Variants in MAN1B1 observed in about 807,000 individuals in gnomAD.
The protein encoded by MAN1B1 is mannosidase alpha class 1B member 1, also known as endoplasmic reticulum mannosyl-oligosaccharide 1,2-alpha-mannosidase.
Under a neutral mutation model 75.5 loss-of-function variants are expected in MAN1B1, and 66 were observed. The observed-to-expected ratio is 0.87, with a 90% CI of 0.72 to 1.07. The LOEUF (loss-of-function observed/expected upper bound fraction) is 1.07, where lower values mean the gene tolerates loss of function less well. Ranked by LOEUF, MAN1B1 falls within the 50% of genes least tolerant of loss-of-function variation. The pLI is 0.00. For missense variants in MAN1B1, 973 were observed against 912.5 expected, an observed-to-expected ratio of 1.07 and a Z score of -0.85; for synonymous variants, 453 against 382.8, an observed-to-expected ratio of 1.18 and a Z score of -2.14.
chr9:137,102,507 TACAC>T lies in MAN1B1; in HGVS notation c.1254+839_1254+842del, dbSNP rs558794501. ...CTGTTGCAGGCGTGCAGGTCAGTGT[TACAC>T]ACATTCACGCTGTTGCAGGCGTGCA... On this transcript the variant is annotated intron_variant, in intron 8 of 12. Transcript: ENST00000371589. 400 of 414,316 alleles carry T rather than the reference TACAC, an allele frequency of 9.7e-4. 2 individuals carry two copies. Among genetic ancestry groups the T allele is most frequent in the African/African-American group, 7.1e-3 (298 of 41,778 alleles). 25.7% of individuals were successfully genotyped at this position (414,316 alleles called of 1,614,324 possible).
At chr9:137,099,507 C>T (rs1830746517) in intron 5 of MAN1B1, among the ~76,000 whole-genome samples, 189 bp from the exon 6 acceptor site, 1 of 152,266 alleles carries the variant, frequency 6.6e-6, no homozygotes, top group African/African-American at 2.4e-5. Flanking sequence ...AGGCTGTGTT[C>T]TCCCTGGGGG....
chr9:137,100,950 G>A, intron 6 of MAN1B1, 55 bp from the exon 7 acceptor site: 1 of 1,604,724 alleles, frequency 6.2e-7, no homozygotes, highest in Non-Finnish European at 8.5e-7. Context: ...TAGATAATAG[G>A]AAAACGTTGG....
rs761276531 is a variant in MAN1B1, at chr9:137,099,677, GCT to G, written c.731-13_731-12del. 98 of 1,613,706 alleles carry G rather than the reference GCT, an allele frequency of 6.1e-5. 1 individual carries two copies. Among genetic ancestry groups the G allele is most frequent in the Non-Finnish European group, 6.3e-5 (74 of 1,179,886 alleles). ...CAGGACCACGTCCGCCATGGCCTGT[GCT>G]CTCTCCCCCCTACTAGTGCATCTGA... On this transcript the variant is annotated splice_polypyrimidine_tract_variant and intron_variant, in intron 5 of 12. Transcript: ENST00000371589.
intron 6 of MAN1B1, among the ~76,000 whole-genome samples, chr9:137,100,720 A>G (rs955415318): frequency 6.6e-6 from 1 of 152,068 alleles, no homozygotes; most frequent in African/African-American, 2.4e-5. Context: ...CCCGGGTTCA[A>G]GCTATTCTCA....
At chr9:137,106,560 G>A in intron 9 of MAN1B1, 129 bp from the exon 10 acceptor site, 13 of 1,456,036 alleles carry the variant, frequency 8.9e-6, no homozygotes, top group Non-Finnish European at 1.1e-5. Flanking sequence ...GCTGTGCAGG[G>A]TGGCACCTTC....
intron 5 of MAN1B1, among the ~76,000 whole-genome samples, chr9:137,098,336 G>T (rs1672242845): frequency 6.6e-6 from 1 of 152,346 alleles, no homozygotes; most frequent in South Asian, 2.1e-4. Flanking sequence ...CTCAGTGCAT[G>T]ACCTGAGGCC....
Position 137,105,171 on chromosome 9 carries a change from G to A in MAN1B1, c.1255-954G>A, listed in dbSNP as rs536240565. ...GGCCTCTTTTTACTTTGTTAATGGT[G>A]TATTTTGATAGATAACAGATTGTCA... On this transcript the variant is annotated intron_variant, in intron 8 of 12. Coordinates refer to ENST00000371589, the MANE Select transcript of MAN1B1 (RefSeq NM_016219.5). 5 of 152,566 alleles carry A rather than the reference G, an allele frequency of 3.3e-5. No homozygotes were observed. In the South Asian group the frequency reaches 1.0e-3, roughly 31 times the overall value. The allele number at this position is 152,566 out of a possible 1,614,324, so 9.5% of individuals were successfully genotyped here.
At chr9:137,093,926 T>C (rs968119687) in intron 3 of MAN1B1, among the ~76,000 whole-genome samples, 6 of 152,172 alleles carry the variant, frequency 3.9e-5, no homozygotes, top group African/African-American at 1.4e-4. Flanking sequence ...TTAAAGATGA[T>C]TTTAAAATTC....
chr9:137,088,659 G>T, intron 2 of MAN1B1: 1 of 705,472 alleles, frequency 1.4e-6, no homozygotes, highest in Non-Finnish European at 2.3e-6. Flanking sequence ...AAAGATGTGG[G>T]GTTCTGTGTT....
intron 1 of MAN1B1, 94 bp from the exon 2 acceptor site, chr9:137,087,981 A>G (rs1156267345): frequency 9.8e-7 from 1 of 1,021,112 alleles, no homozygotes; most frequent in Non-Finnish European, 1.6e-6. Context: ...TGGATCTTCC[A>G]GAAGAATTCC....
chr9:137,103,239 T>C (rs1407974117), intron 8 of MAN1B1: 1 of 415,922 alleles, frequency 2.4e-6, no homozygotes, highest in African/African-American at 2.6e-5. Context: ...TTCATGGTGT[T>C]GCAGGCGTGC....
At chr9:137,102,989 GTCT>G (rs1830923668) in intron 8 of MAN1B1, 9 of 394,202 alleles carry the variant, frequency 2.3e-5, no homozygotes, top group East Asian at 8.6e-5. Flanking sequence ...CAGGTCGGTG[GTCT>G]TACATTCATA....
chr9:137,097,389 T>C (rs9411305), intron 4 of MAN1B1, among the ~76,000 whole-genome samples: 15,935 of 152,228 alleles, frequency 0.1, 851 homozygotes, highest in South Asian at 0.15. Flanking sequence ...TGATGGCCAT[T>C]GGACAGAACT....
chr9:137,108,556 G>A lies in MAN1B1; in HGVS notation c.2065G>A (p.Glu689Lys), dbSNP rs747045738. The A allele has an allele frequency of 8.1e-6, 13 of 1,613,730 alleles. No homozygotes were observed. The highest frequency in any genetic ancestry group is 1.3e-5 in the African/African-American group (1 of 74,910). ...LSLDAYVFNT[E>K]AHPLPIWTPA The stretch of plus-strand genomic sequence containing the variant: ...CCTGGATGCCTACGTGTTCAACACC[G>A]AAGCCCACCCTCTGCCTATCTGGAC... Residue 689 changes from glutamate (E) to lysine (K), a missense_variant, in exon 13 of 13, where the codon GAA becomes AAA. Glu to Lys is a moderately conservative substitution (Grantham distance 56, BLOSUM62 1). Transcript: ENST00000371589.
Position 137,107,864 on chromosome 9 carries a change from A to AC in MAN1B1, c.1896+205dup, listed in dbSNP as rs562696520. ...CCCCACTGAGCTTCATGGTTGTGGG[A>AC]CCCAGAGTACTTGGAGGGGCTGGGC... On this transcript the variant is annotated intron_variant, in intron 12 of 12. Transcript: ENST00000371589. The AC allele has an allele frequency of 3.0e-3, 2,099 of 705,066 alleles. 18 individuals are homozygous for AC. Among genetic ancestry groups the AC allele is most frequent in the East Asian group, 7.3e-3 (271 of 37,004 alleles). The allele number at this position is 705,066 out of a possible 1,614,324, so 43.7% of individuals were successfully genotyped here.
intron 8 of MAN1B1, chr9:137,103,266 CATGCT>C (rs1830951199): frequency 4.8e-6 from 2 of 418,472 alleles, no homozygotes. Context: ...GTGTTACACA[CATGCT>C]GTTGCAGGCG....
At chr9:137,107,008 T>C (rs985242139) in intron 10 of MAN1B1, among the ~76,000 whole-genome samples, 199 bp downstream of exon 10, 4 of 152,202 alleles carry the variant, frequency 2.6e-5, no homozygotes, top group African/African-American at 7.2e-5. Flanking sequence ...TGGGCAGGGC[T>C]TCCCCAGGGC....
At chr9:137,107,785 T>C in intron 12 of MAN1B1, 123 bp downstream of exon 12, 1 of 1,452,016 alleles carries the variant, frequency 6.9e-7, no homozygotes, top group Admixed American at 1.8e-5. Context: ...AGGGGCGGGC[T>C]TGCCGCAGCC....
chr9:137,091,571 G>A (rs1830518106), intron 3 of MAN1B1, among the ~76,000 whole-genome samples: 1 of 136,732 alleles, frequency 7.3e-6, no homozygotes, highest in African/African-American at 2.7e-5. Flanking sequence ...CTGTTTCCCA[G>A]GCTGCAGTGC....
Sources: gnomAD v4.1 joint callset for allele counts (sites outside exome capture counted in the v4.1 genomes callset) on GRCh38, gnomAD v4.1.1 for gene constraint, MANE v1.5 for transcripts, NCBI Gene and HGNC (gene_info 2026-07-23, HGNC 2026-07-21) for gene names.